The following DPP10 variants were observed in gnomAD, a reference collection of about 807,000 sequenced individuals.
DPP10 encodes inactive dipeptidyl peptidase 10.
A neutral mutation model predicts 120.9 loss-of-function variants in DPP10; 33 were observed. That is an observed-to-expected ratio of 0.27 (90% CI 0.21 to 0.37). DPP10 has a LOEUF of 0.37. DPP10 is among the 10% of genes least tolerant of loss of function. The pLI is 1.00. For missense variants in DPP10, 816 were observed against 942.8 expected (o/e 0.87, Z 1.76); for synonymous variants, 337 against 326.1 (o/e 1.03, Z -0.36).
intron 1 of DPP10, among the ~76,000 whole-genome samples, chr2:114,739,926 A>G (rs984057383): frequency 7.9e-5 from 12 of 151,664 alleles, no homozygotes; most frequent in Admixed American, 2.6e-4. Flanking sequence ...CATTCATCAT[A>G]AAAACTGTGG....
intron 3 of DPP10, among the ~76,000 whole-genome samples, chr2:115,421,055 A>G (rs2069901894): frequency 6.6e-6 from 1 of 151,804 alleles, no homozygotes; most frequent in Admixed American, 6.6e-5. Context: ...TCCAGAAGGC[A>G]ACCTTTCTAC....
chr2:114,978,184 G>T (rs1699869736), intron 1 of DPP10, among the ~76,000 whole-genome samples: 1 of 152,164 alleles, frequency 6.6e-6, no homozygotes, highest in Admixed American at 6.5e-5. Context: ...TGACGGAAAT[G>T]TTCTATATAT....
At chr2:115,461,381 A>T (rs1003525456) in intron 3 of DPP10, among the ~76,000 whole-genome samples, 3 of 152,176 alleles carry the variant, frequency 2.0e-5, no homozygotes, top group Non-Finnish European at 2.9e-5. Context: ...ATTTGACTCA[A>T]AGTAAGTTGA....
intron 1 of DPP10, among the ~76,000 whole-genome samples, chr2:114,697,009 A>G (rs1700107942): frequency 6.6e-6 from 1 of 152,084 alleles, no homozygotes; most frequent in South Asian, 2.1e-4. Context: ...TGTCTGTCAT[A>G]TTAATTCTCT....
chr2:114,630,524 T>A, intron 1 of DPP10, among the ~76,000 whole-genome samples: 1 of 152,208 alleles, frequency 6.6e-6, no homozygotes, highest in Middle Eastern at 3.4e-3. Flanking sequence ...AAGACAAATA[T>A]ATTATTATTA....
intron 3 of DPP10, among the ~76,000 whole-genome samples, chr2:115,394,424 GA>G (rs1418151123): frequency 3.6e-5 from 4 of 112,126 alleles, no homozygotes; most frequent in Non-Finnish European, 5.4e-5. Context: ...TTTTTAATTA[GA>G]AAATCACATT....
chr2:115,393,495 A>T (rs1382141497), intron 3 of DPP10, among the ~76,000 whole-genome samples: 1 of 152,110 alleles, frequency 6.6e-6, no homozygotes, highest in Non-Finnish European at 1.5e-5. Context: ...CTGGGATAGA[A>T]CCCATGGTCT....
intron 1 of DPP10, among the ~76,000 whole-genome samples, chr2:115,254,486 T>C (rs539207881): frequency 6.6e-6 from 1 of 152,290 alleles, no homozygotes; most frequent in East Asian, 1.9e-4. Flanking sequence ...CCAAATCTCA[T>C]GTGCTTGCAA....
At chr2:114,702,664 T>A (rs1574000788) in intron 1 of DPP10, among the ~76,000 whole-genome samples, 1 of 152,252 alleles carries the variant, frequency 6.6e-6, no homozygotes, top group South Asian at 2.1e-4. Flanking sequence ...TTATATTGCC[T>A]TGTCATATTC....
intron 1 of DPP10, among the ~76,000 whole-genome samples, chr2:114,495,139 C>T (rs574510766): frequency 7.2e-4 from 110 of 152,164 alleles, no homozygotes; most frequent in African/African-American, 2.4e-3. Context: ...AAAATGTGAA[C>T]GTTTTCATGG....
intron 13 of DPP10, among the ~76,000 whole-genome samples, chr2:115,768,892 A>G (rs1002664256): frequency 2.6e-5 from 4 of 151,994 alleles, no homozygotes; most frequent in Admixed American, 1.3e-4. Context: ...ACAGGATAAA[A>G]TAGATGTTTT....
At chr2:115,314,586 A>C (rs1437937976) in intron 2 of DPP10, among the ~76,000 whole-genome samples, 1 of 152,178 alleles carries the variant, frequency 6.6e-6, no homozygotes, top group Non-Finnish European at 1.5e-5. Flanking sequence ...ACAAGAATTT[A>C]ATGGTAATTT....
intron 3 of DPP10, among the ~76,000 whole-genome samples, chr2:115,464,898 A>G (rs1344826652): frequency 2.6e-5 from 4 of 152,192 alleles, no homozygotes; most frequent in East Asian, 3.9e-4. Context: ...TTAGATTTCC[A>G]TAATCTCAAG....
intron 5 of DPP10, among the ~76,000 whole-genome samples, chr2:115,668,759 A>G (rs1400959178): frequency 6.6e-6 from 1 of 152,130 alleles, no homozygotes; most frequent in South Asian, 2.1e-4. Context: ...CCACACTCTT[A>G]TAATTCCCCC....
At chr2:114,631,298 C>A (rs1241236030) in intron 1 of DPP10, among the ~76,000 whole-genome samples, 2 of 152,076 alleles carry the variant, frequency 1.3e-5, no homozygotes, top group African/African-American at 4.8e-5. Context: ...ATTTGACCCA[C>A]TGTGAGTCCC....
intron 1 of DPP10, among the ~76,000 whole-genome samples, chr2:115,063,311 C>A (rs1028829650): frequency 4.6e-5 from 7 of 152,108 alleles, no homozygotes; most frequent in Admixed American, 1.3e-4. Context: ...GGAGAGATTG[C>A]AAAAATTTTC....
intron 5 of DPP10, among the ~76,000 whole-genome samples, chr2:115,575,120 A>C (rs1016033865): frequency 6.6e-6 from 1 of 152,166 alleles, no homozygotes; most frequent in Non-Finnish European, 1.5e-5. Context: ...TTAAGAACAC[A>C]ATCAGTTATT....
chr2:115,085,946 A>G (rs1165177169), intron 1 of DPP10, among the ~76,000 whole-genome samples: 1 of 152,130 alleles, frequency 6.6e-6, no homozygotes, highest in Non-Finnish European at 1.5e-5. Context: ...ACAAATTCTC[A>G]TCAGGTGGGT....
At chr2:114,755,685 T>C (rs1209800617) in intron 1 of DPP10, among the ~76,000 whole-genome samples, 1 of 152,186 alleles carries the variant, frequency 6.6e-6, no homozygotes, top group Non-Finnish European at 1.5e-5. Context: ...GAATGCAGAA[T>C]AAAGTGGAGC....
Sources: allele counts gnomAD v4.1 joint callset (sites outside exome capture counted in the v4.1 genomes callset), GRCh38; gene constraint gnomAD v4.1.1; transcripts MANE v1.5; gene names NCBI Gene and HGNC (gene_info 2026-07-23, HGNC 2026-07-21).